Variants in PYURF observed in about 807,000 individuals in gnomAD.
The protein encoded by PYURF is PIGY upstream open reading frame.
A neutral mutation model predicts 8.0 loss-of-function variants in PYURF; 9 were observed. That is an observed-to-expected ratio of 1.13 (90% CI 0.68 to 1.97). PYURF has a LOEUF of 1.97. Among genes scored for constraint, PYURF ranks in the 30% most tolerant of loss-of-function variants. The pLI is 0.00. For missense variants in PYURF, 130 were observed against 158.0 expected (o/e 0.82, Z 0.95); for synonymous variants, 56 against 68.3 (o/e 0.82, Z 0.89).
At position 88,523,730 on chromosome 4, in the gene PYURF, G is replaced by C. The variant is rs550251902; in HGVS notation, c.-30C>G. On this transcript the variant is annotated 5_prime_UTR_variant, in exon 1 of 2. Transcript: ENST00000273968. ...TGGCAGCCGGAGACCAGGCCTCACC[G>C]CAGCCTCGCCACCCGTGGCCGAGCT... 4 of 1,413,616 alleles carry C rather than the reference G, an allele frequency of 2.8e-6. No individual in the cohort carries two copies. The highest frequency in any genetic ancestry group is 3.7e-6 in the Non-Finnish European group (4 of 1,091,088). 87.6% of individuals were successfully genotyped at this position (1,413,616 alleles called of 1,614,324 possible).
At position 88,523,585 on chromosome 4, in the gene PYURF, C is replaced by T. The variant is rs1212294714; in HGVS notation, c.116G>A (p.Arg39Gln). Residue 39 changes from arginine to glutamine, a missense_variant, in exon 1 of 2, where the codon CGG becomes CAG. Coordinates refer to ENST00000273968, the MANE Select transcript of PYURF (RefSeq NM_032906.5). ...GGGCGGCTCCTCAGTCTTCTTGCCC[C>T]GGTCGGCCAAAGGCCGCGACCCCGA... ...HASGSRPLAD[R>Q]GKKTEEPPRD... 6 of 1,549,804 alleles carry T rather than the reference C, an allele frequency of 3.9e-6. No homozygotes were observed. The highest frequency in any genetic ancestry group is 1.4e-5 in the African/African-American group (1 of 73,028).
chr4:88,521,917 T>TA lies in PYURF; in HGVS notation c.315dup (p.Lys106Ter), dbSNP rs1742383120. On this transcript the variant is annotated frameshift_variant, in exon 2 of 2. Coordinates refer to ENST00000273968, the MANE Select transcript of PYURF (RefSeq NM_032906.5). LOFTEE classifies it high-confidence loss of function. ...CGCTGCTCCACTTCTTCTTGCTTCT[T>TA]ACTTTGACGTGTCATCCTAGCTGCC... The TA allele has an allele frequency of 1.3e-6, 2 of 1,550,970 alleles. No homozygotes were observed. Among genetic ancestry groups the TA allele is most frequent in the East Asian group, 4.9e-5 (2 of 40,924 alleles).
At position 88,521,684 on chromosome 4, in the gene PYURF, T is replaced by C; in HGVS notation, c.*204A>G. ...CTGTAAAAGCAAAGGCTGGCTGTGC[T>C]AGTGCAGCCCTGTGGGAAGTTTTCT... On this transcript the variant is annotated 3_prime_UTR_variant, in exon 2 of 2. Coordinates refer to ENST00000273968, the MANE Select transcript of PYURF (RefSeq NM_032906.5). 1 of 1,613,962 alleles carries C rather than the reference T, an allele frequency of 6.2e-7. No homozygotes were observed. Among genetic ancestry groups the C allele is most frequent in the Non-Finnish European group, 8.5e-7 (1 of 1,179,838 alleles).
intron 1 of PYURF, among the ~76,000 whole-genome samples, chr4:88,522,371 G>A (rs1742402230): frequency 6.6e-6 from 1 of 151,808 alleles, no homozygotes; most frequent in African/African-American, 2.4e-5. Flanking sequence ...AACCATCCCT[G>A]TTAATTTACT....
Position 88,523,738 on chromosome 4 carries a change from G to A in PYURF, c.-38C>T, listed in dbSNP as rs1193974265. 8 of 1,398,502 alleles carry A rather than the reference G, an allele frequency of 5.7e-6. 1 individual carries two copies. The highest frequency in any genetic ancestry group is 7.4e-6 in the Non-Finnish European group (8 of 1,082,846). The allele number at this position is 1,398,502 out of a possible 1,614,324, so 86.6% of individuals were successfully genotyped here. A position where few individuals can be genotyped will look rare whatever the true frequency, so the allele number is the denominator to read the frequency against. ...GGAGACCAGGCCTCACCGCAGCCTC[G>A]CCACCCGTGGCCGAGCTCCCGGCTT... On this transcript the variant is annotated 5_prime_UTR_variant, in exon 1 of 2. Transcript: ENST00000273968.
Position 88,521,894 on chromosome 4 carries a change from C to T in PYURF, c.339G>A (p.Gln113=). Residue 113 remains glutamine (Q), a synonymous_variant, in exon 2 of 2, where the codon CAG becomes CAA. Transcript: ENST00000273968. ...RQSKKQEEVE[Q]R is the part of the protein sequence containing the mutation. ...AATTTTTTTAAATTATGAACTAGCG[C>T]TGCTCCACTTCTTCTTGCTTCTTAC... 6.4e-7 allele frequency: 1 copy of T among 1,550,502 alleles called. No individual in the cohort carries two copies. Among genetic ancestry groups the T allele is most frequent in the Non-Finnish European group, 8.7e-7 (1 of 1,146,698 alleles).
chr4:88,523,016 G>C (rs568363249), intron 1 of PYURF, among the ~76,000 whole-genome samples: 417 of 152,274 alleles, frequency 2.7e-3, no homozygotes, highest in Non-Finnish European at 4.7e-3. Flanking sequence ...GCTGGGCGTG[G>C]GGGCGGCGCC....
rs752180054 is a variant in PYURF, at chr4:88,521,838, T to C, written c.*50A>G. 1.3e-6 allele frequency: 2 copies of C among 1,576,516 alleles called. No individual in the cohort carries two copies. The highest frequency in any genetic ancestry group is 3.8e-5 in the Admixed American group (2 of 52,964). On this transcript the variant is annotated 3_prime_UTR_variant, in exon 2 of 2. Transcript: ENST00000273968. The stretch of plus-strand genomic sequence containing the variant: ...CCACTGTGTTTTAAAAGGTATATGG[T>C]ATTAAGAAAAGTTGGCTGTTGCGTT...
Position 88,521,091 on chromosome 4 carries a change from T to C in PYURF, c.*797A>G, listed in dbSNP as rs1742360119. On this transcript the variant is annotated 3_prime_UTR_variant, in exon 2 of 2. Transcript: ENST00000273968. ...GGTAATTTTACAAACTCAGTTTTTG[T>C]AAGTACATGAAGTTTCTATTTGATT... is the stretch of plus-strand genomic sequence containing the variant. The C allele has an allele frequency of 6.5e-6, 1 of 153,234 alleles. No individual in the cohort carries two copies. Among genetic ancestry groups the C allele is most frequent in the Non-Finnish European group, 1.5e-5 (1 of 68,728 alleles). The allele number at this position is 153,234 out of a possible 1,614,324, so 9.5% of individuals were successfully genotyped here. A position where few individuals can be genotyped will look rare whatever the true frequency, so the allele number is the denominator to read the frequency against.
rs1165342720 is a variant in PYURF, at chr4:88,521,626, A to G, written c.*262T>C. On this transcript the variant is annotated 3_prime_UTR_variant, in exon 2 of 2. Transcript: ENST00000273968. ...CATCCAAGTCCAAAGGTGGAAGAAT[A>G]CATACACTGGTATGGTAATAGGCAA... 1 of 1,613,910 alleles carries G rather than the reference A, an allele frequency of 6.2e-7. No homozygotes were observed. The highest frequency in any genetic ancestry group is 1.3e-5 in the African/African-American group (1 of 74,938).
rs2149117245 is a variant in PYURF, at chr4:88,521,627, C to T, written c.*261G>A. The T allele has an allele frequency of 6.2e-7, 1 of 1,613,988 alleles. No homozygotes were observed. ...ATCCAAGTCCAAAGGTGGAAGAATACATACACTGGTATGGTAATAGGCAAG... is the reference window on the plus strand; with the variant it reads ...ATCCAAGTCCAAAGGTGGAAGAATATATACACTGGTATGGTAATAGGCAAG... On this transcript the variant is annotated 3_prime_UTR_variant, in exon 2 of 2. Coordinates refer to ENST00000273968, the MANE Select transcript of PYURF (RefSeq NM_032906.5).
In PYURF at chr4:88,521,763, A is replaced by G. The variant is rs1397625973; in HGVS notation, c.*125T>C. On this transcript the variant is annotated 3_prime_UTR_variant, in exon 2 of 2. Coordinates refer to ENST00000273968, the MANE Select transcript of PYURF (RefSeq NM_032906.5). ...CTAAAGAAACCAGTGGAATAAGAAC[A>G]GTCAACGTAGGAAGAGACAGAAACA... The G allele has an allele frequency of 6.2e-7, 1 of 1,613,118 alleles. No individual in the cohort carries two copies. Among genetic ancestry groups the G allele is most frequent in the African/African-American group, 1.3e-5 (1 of 74,926 alleles).
chr4:88,522,678 T>C (rs1294618672), intron 1 of PYURF, among the ~76,000 whole-genome samples: 1 of 152,232 alleles, frequency 6.6e-6, no homozygotes, highest in Non-Finnish European at 1.5e-5. Flanking sequence ...TTATGCGATT[T>C]GTAATACTAG....
Position 88,523,605 on chromosome 4 carries a change from C to G in PYURF, c.96G>C (p.Gly32=). ...TGCCCCGGTCGGCCAAAGGCCGCGACCCCGACGCGTGCAGGCACCTACGGG... is the reference window on the plus strand; with the variant it reads ...TGCCCCGGTCGGCCAAAGGCCGCGAGCCCGACGCGTGCAGGCACCTACGGG... ...AVARRCLHAS[G]SRPLADRGKK... The change falls in exon 1 of 2, where the codon GGG becomes GGC. Residue 32 remains glycine (G), a synonymous_variant. Coordinates refer to ENST00000273968, the MANE Select transcript of PYURF (RefSeq NM_032906.5). 2.6e-6 allele frequency: 4 copies of G among 1,549,026 alleles called. No individual in the cohort carries two copies. Among genetic ancestry groups the G allele is most frequent in the Non-Finnish European group, 3.5e-6 (4 of 1,146,636 alleles).
rs1742370646 is a variant in PYURF at position 88,521,631 on chromosome 4, C to G, written c.*257G>C. On this transcript the variant is annotated 3_prime_UTR_variant, in exon 2 of 2. Coordinates refer to ENST00000273968, the MANE Select transcript of PYURF (RefSeq NM_032906.5). The stretch of plus-strand genomic sequence containing the variant: ...AAGTCCAAAGGTGGAAGAATACATA[C>G]ACTGGTATGGTAATAGGCAAGAGCA... 2.5e-6 allele frequency: 4 copies of G among 1,613,966 alleles called. No homozygotes were observed. In the Admixed American group the frequency reaches 5.0e-5, roughly 20 times the overall value.
intron 1 of PYURF, among the ~76,000 whole-genome samples, chr4:88,523,288 C>A (rs1742445045): frequency 1.3e-5 from 2 of 152,202 alleles, no homozygotes; most frequent in Non-Finnish European, 1.5e-5. Context: ...GCTGGCGTTG[C>A]GTTCTGGGAG....
intron 1 of PYURF, 91 bp downstream of exon 1, chr4:88,523,407 A>T: frequency 7.5e-7 from 1 of 1,334,522 alleles, no homozygotes; most frequent in Non-Finnish European, 1.0e-6. Context: ...ACCGACCTAC[A>T]AGGCCCCAGT....
rs188262285 is a variant in PYURF at position 88,523,729 on chromosome 4, C to A, written c.-29G>T. On this transcript the variant is annotated 5_prime_UTR_variant, in exon 1 of 2. Transcript: ENST00000273968. ...CTGGCAGCCGGAGACCAGGCCTCAC[C>A]GCAGCCTCGCCACCCGTGGCCGAGC... 5,404 of 1,415,352 alleles carry A rather than the reference C, an allele frequency of 3.8e-3. 31 individuals are homozygous for A. Among genetic ancestry groups the A allele is most frequent in the Non-Finnish European group, 3.7e-3 (4,043 of 1,092,278 alleles). The allele number at this position is 1,415,352 out of a possible 1,614,324, so 87.7% of individuals were successfully genotyped here. A position where few individuals can be genotyped will look rare whatever the true frequency, so the allele number is the denominator to read the frequency against.
In PYURF at chr4:88,521,926, G is replaced by A. The variant is rs778874537; in HGVS notation, c.307C>T (p.Arg103Cys). Residue 103 changes from arginine to cysteine, a missense_variant, in exon 2 of 2, where the codon CGT (arginine) becomes TGT (cysteine). Arg to Cys is a radical substitution (Grantham distance 180). Transcript: ENST00000273968. ...NMIPQAARMT[R>C]QSKKQEEVEQ... ...ACTTCTTCTTGCTTCTTACTTTGAC[G>A]TGTCATCCTAGCTGCCTGTGGTATC... 11 of 1,551,000 alleles carry A rather than the reference G, an allele frequency of 7.1e-6. No homozygotes were observed. In the Admixed American group the frequency reaches 9.8e-5, roughly 14 times the overall value.
Sources: gnomAD v4.1 joint callset for allele counts (sites outside exome capture counted in the v4.1 genomes callset) on GRCh38, gnomAD v4.1.1 for gene constraint, MANE v1.5 for transcripts, NCBI Gene and HGNC (gene_info 2026-07-23, HGNC 2026-07-21) for gene names.